The following PRCD variants were observed in gnomAD, a reference collection of about 807,000 sequenced individuals.
The protein encoded by PRCD is photoreceptor disc component, also known as photoreceptor disk component PRCD.
Under a neutral mutation model 10.1 loss-of-function variants are expected in PRCD, and 12 were observed. That is an observed-to-expected ratio of 1.18 (90% CI 0.76 to 1.92). The LOEUF (loss-of-function observed/expected upper bound fraction) is 1.92, where lower values mean the gene tolerates loss of function less well. Among genes scored for constraint, PRCD ranks in the 40% most tolerant of loss-of-function variants. PRCD has a pLI of 0.00. For synonymous variants in PRCD, 31 were observed against 26.2 expected, an observed-to-expected ratio of 1.18 and a Z score of -0.56; for missense variants, 61 against 72.2, an observed-to-expected ratio of 0.84 and a Z score of 0.56.
chr17:76,534,801 G>A (rs969252690), intron 1 of PRCD, among the ~76,000 whole-genome samples: 1 of 152,218 alleles, frequency 6.6e-6, no homozygotes, highest in Non-Finnish European at 1.5e-5. Flanking sequence ...CCACCACCGG[G>A]TTGTGGCCCT....
rs544856511 is a variant in PRCD at position 76,543,099 on chromosome 17, G to T, written c.*130G>T. Reference sequence around the variant, plus strand: ...CTGCAGCAGCGGCAAGAGGGAGAATGGGGGGAAGCAGCACTAGAGAAGGTA... The same window carrying T: ...CTGCAGCAGCGGCAAGAGGGAGAATTGGGGGAAGCAGCACTAGAGAAGGTA... On this transcript the variant is annotated 3_prime_UTR_variant, in exon 4 of 5. Transcript: ENST00000592014. 37 of 471,288 alleles carry T rather than the reference G, an allele frequency of 7.9e-5. No individual in the cohort carries two copies. The highest frequency in any genetic ancestry group is 1.5e-4 in the Non-Finnish European group (35 of 227,250). The allele number at this position is 471,288 out of a possible 1,614,324, so 29.2% of individuals were successfully genotyped here. A position where few individuals can be genotyped will look rare whatever the true frequency, so the allele number is the denominator to read the frequency against.
downstream of PRCD, among the ~76,000 whole-genome samples, chr17:76,548,200 C>T (rs1239923945): frequency 6.6e-6 from 1 of 151,888 alleles, no homozygotes; most frequent in Non-Finnish European, 1.5e-5. Context: ...CATTTACACA[C>T]ATACAGACAT....
chr17:76,537,200 C>A (rs905925131), upstream of PRCD, among the ~76,000 whole-genome samples: 8 of 152,316 alleles, frequency 5.3e-5, no homozygotes, highest in Admixed American at 4.6e-4. Context: ...TGGTGAACAC[C>A]GCGCCGGAGC....
intron 1 of PRCD, chr17:76,527,882 TG>T: frequency 2.3e-6 from 1 of 441,356 alleles, no homozygotes; most frequent in South Asian, 1.6e-5. Context: ...CCTTTCTGCC[TG>T]GAAGTGGAAT....
chr17:76,534,146 T>TTCTCTCTCTCTCTCTCTCTCTCTC (rs71158013), intron 1 of PRCD, among the ~76,000 whole-genome samples: 37 of 129,000 alleles, frequency 2.9e-4, no homozygotes, highest in East Asian at 4.3e-4. Flanking sequence ...CTCTTTCTCT[T>TTCTCTCTCTCTCTCTCTCTCTCTC]TCTCTCTCTC....
Position 76,530,141 on chromosome 17 carries a change from C to A in PRCD, n.45+2308C>A, listed in dbSNP as rs572295893. 1.7e-4 allele frequency: 165 copies of A among 956,138 alleles called. No individual in the cohort carries two copies. The highest frequency in any genetic ancestry group is 2.0e-4 in the Non-Finnish European group (163 of 803,196). 59.2% of individuals were successfully genotyped at this position (956,138 alleles called of 1,614,324 possible). A position where few individuals can be genotyped will look rare whatever the true frequency, so the allele number is the denominator to read the frequency against. On this transcript the variant is annotated intron_variant and non_coding_transcript_variant, in intron 1 of 4. Coordinates refer to the PRCD transcript ENST00000397633. The surrounding 1 kb of genome is among the most constrained non-coding windows in gnomAD (Gnocchi z 6.1). ...ACCACGGGAATGTTTCTCTACCACG[C>A]GTGTCCCGGGCTGCTGGCTGACCTC...
chr17:76,537,699 G>GGGGT, upstream of PRCD: 1 of 555,660 alleles, frequency 1.8e-6, no homozygotes, highest in Non-Finnish European at 2.3e-6. Context: ...GTGCGCGCCG[G>GGGGT]GTGTGTGTGT....
rs778134406 is a variant in PRCD at position 76,531,713 on chromosome 17, G to A, written n.45+3880G>A. On this transcript the variant is annotated intron_variant and non_coding_transcript_variant, in intron 1 of 4. Coordinates refer to the PRCD transcript ENST00000397633. This position sits in a 1 kb window ranked among gnomAD's most constrained non-coding sequence, Gnocchi z 7.4. The stretch of plus-strand genomic sequence containing the variant: ...GAACCTGGCAAGAGGAACAGGGGTG[G>A]TCGCTGAAGCTGGAGGCTGCCTCGG... 13 of 1,567,394 alleles carry A rather than the reference G, an allele frequency of 8.3e-6. No homozygotes were observed. The highest frequency in any genetic ancestry group is 1.1e-5 in the Non-Finnish European group (13 of 1,148,364).
chr17:76,535,908 G>A (rs1475651566), upstream of PRCD, among the ~76,000 whole-genome samples: 8 of 152,196 alleles, frequency 5.3e-5, no homozygotes, highest in Admixed American at 3.9e-4. Flanking sequence ...ACCCTGCCTC[G>A]CTTCTTCATG....
Position 76,540,256 on chromosome 17 carries a change from G to C in PRCD, c.74+41G>C, listed in dbSNP as rs766112913. On this transcript the variant is annotated intron_variant, in intron 1 of 4. Transcript: ENST00000592014. The surrounding 1 kb of genome is among the most constrained non-coding windows in gnomAD (Gnocchi z 5.0). ...GGCTATGGCTGGCGGTTGGTCGGGG[G>C]GGGGGGGCATGGGGCTGGGCTGCCA... 8.6e-5 allele frequency: 104 copies of C among 1,209,896 alleles called. No homozygotes were observed. The highest frequency in any genetic ancestry group is 1.1e-4 in the Non-Finnish European group (95 of 839,480). 74.9% of individuals were successfully genotyped at this position (1,209,896 alleles called of 1,614,324 possible).
chr17:76,540,386 C>A lies in PRCD; in HGVS notation c.75-119C>A. On this transcript the variant is annotated intron_variant, in intron 1 of 4. Coordinates refer to ENST00000592014, the MANE Select transcript of PRCD (RefSeq NM_001077620.3). This position sits in a 1 kb window ranked among gnomAD's most constrained non-coding sequence, Gnocchi z 5.0. ...AGTCTCAGAGCAGGGGGACTTAGAG[C>A]TTCAAAGGCTCTAGTTGCAGCCTCT... The A allele has an allele frequency of 2.3e-6, 3 of 1,326,482 alleles. No individual in the cohort carries two copies. Among genetic ancestry groups the A allele is most frequent in the Admixed American group, 1.7e-5 (1 of 57,862 alleles). The allele number at this position is 1,326,482 out of a possible 1,614,324, so 82.2% of individuals were successfully genotyped here.
Position 76,531,439 on chromosome 17 carries a change from G to A in PRCD, n.45+3606G>A. On this transcript the variant is annotated intron_variant and non_coding_transcript_variant, in intron 1 of 4. Transcript: ENST00000397633. This position sits in a 1 kb window ranked among gnomAD's most constrained non-coding sequence, Gnocchi z 7.4. ...ATGACGCGTGGGCGGTGGGGGCTCT[G>A]CAGCAGATGGGGGCGCATACCTTGA... The A allele has an allele frequency of 1.3e-6, 2 of 1,594,902 alleles. No individual in the cohort carries two copies. Among genetic ancestry groups the A allele is most frequent in the East Asian group, 2.3e-5 (1 of 44,316 alleles).
At chr17:76,549,786 G>C (rs2075089146), downstream of PRCD, among the ~76,000 whole-genome samples, 1 of 152,168 alleles carries the variant, frequency 6.6e-6, no homozygotes, top group African/African-American at 2.4e-5. Flanking sequence ...TAAATTGAGA[G>C]AAGCCAGACA....
upstream of PRCD, chr17:76,537,416 C>A (rs549780265): frequency 1.3e-6 from 2 of 1,597,688 alleles, no homozygotes; most frequent in African/African-American, 1.4e-5. Context: ...AGGATGGCCA[C>A]CCCCACGTCC....
At chr17:76,536,045 T>A (rs576545300), upstream of PRCD, among the ~76,000 whole-genome samples, 16 of 152,252 alleles carry the variant, frequency 1.1e-4, no homozygotes, top group East Asian at 3.1e-3. Context: ...TGTGCTTGTG[T>A]GGGTGCCAGC....
Position 76,542,647 on chromosome 17 carries a change from G to T in PRCD, c.*59+14G>T. The T allele has an allele frequency of 6.4e-7, 1 of 1,550,916 alleles. No individual in the cohort carries two copies. Among genetic ancestry groups the T allele is most frequent in the South Asian group, 1.1e-5 (1 of 89,766 alleles). Reference sequence around the variant, plus strand: ...TGGCTCAGGCAGGTAGGGCAGGGCTGGGAGCCGGGGAGGGCAGAGGGCAAG... The same window carrying T: ...TGGCTCAGGCAGGTAGGGCAGGGCTTGGAGCCGGGGAGGGCAGAGGGCAAG... On this transcript the variant is annotated intron_variant, in intron 3 of 4. Coordinates refer to ENST00000592014, the MANE Select transcript of PRCD (RefSeq NM_001077620.3).
downstream of PRCD, chr17:76,546,669 T>G (rs1264729329): frequency 6.6e-6 from 1 of 152,168 alleles, no homozygotes; most frequent in Non-Finnish European, 1.5e-5. This position sits in a 1 kb window ranked among gnomAD's most constrained non-coding sequence, Gnocchi z 4.5. Flanking sequence ...AGATAATGCT[T>G]CTTTGTGAAC....
At chr17:76,538,447 G>A (rs1339653213), upstream of PRCD, 5 of 464,808 alleles carry the variant, frequency 1.1e-5, no homozygotes, top group African/African-American at 1.0e-4. Context: ...CCATGCCCTC[G>A]GTGCACGAAC....
chr17:76,549,709 GATAT>G (rs1282863927), downstream of PRCD, among the ~76,000 whole-genome samples: 1 of 152,166 alleles, frequency 6.6e-6, no homozygotes, highest in Non-Finnish European at 1.5e-5. Context: ...AACACACTGA[GATAT>G]ATAAAGATAG....
Sources: gnomAD v4.1 joint callset for allele counts (sites outside exome capture counted in the v4.1 genomes callset) on GRCh38, gnomAD v4.1.1 for gene constraint, Gnocchi (gnomAD v3.1) non-coding constraint, MANE v1.5 for transcripts, NCBI Gene and HGNC (gene_info 2026-07-23, HGNC 2026-07-21) for gene names.